The following NGEF variants were observed in gnomAD, a reference collection of about 807,000 sequenced individuals.
NGEF encodes the protein ephexin-1.
Under a neutral mutation model 80.9 loss-of-function variants are expected in NGEF, and 31 were observed. The ratio of observed to expected loss-of-function variants is 0.38; its 90% CI spans 0.29 to 0.52. The LOEUF (loss-of-function observed/expected upper bound fraction) is 0.52. Ranked by LOEUF, NGEF falls within the 20% of genes least tolerant of loss-of-function variation. The pLI is 0.84. For synonymous variants in NGEF, 371 were observed against 370.2 expected (o/e 1.00, Z -0.03); for missense variants, 709 against 926.2 (o/e 0.77, Z 3.04).
intron 1 of NGEF, among the ~76,000 whole-genome samples, chr2:232,984,297 T>C (rs1694493271): frequency 6.6e-6 from 1 of 151,966 alleles, no homozygotes; most frequent in South Asian, 2.1e-4. Context: ...CTTGTTATGT[T>C]ACCAGGCTGG....
At chr2:232,932,690 G>T (rs903714656) in intron 3 of NGEF, among the ~76,000 whole-genome samples, 6 of 152,152 alleles carry the variant, frequency 3.9e-5, no homozygotes, top group Non-Finnish European at 8.8e-5. Context: ...GGAAGTCTGA[G>T]ATCATGGTGC....
rs763252651 is a variant in NGEF, at chr2:232,901,241, C to T, written c.829-6325G>A. On this transcript the variant is annotated intron_variant, in intron 5 of 14. Transcript: ENST00000264051. ...TCAAACATGGGCCATGCTGCCTGGC[C>T]GGCCGGGACTACAGTGTCTGTCCTC... 76 of 407,728 alleles carry T rather than the reference C, an allele frequency of 1.9e-4. 1 individual carries two copies. The highest frequency in any genetic ancestry group is 6.4e-4 in the Admixed American group (10 of 15,586). 25.3% of individuals were successfully genotyped at this position (407,728 alleles called of 1,614,324 possible).
At chr2:232,934,875 G>A (rs150973012) in intron 3 of NGEF, among the ~76,000 whole-genome samples, 1 of 151,980 alleles carries the variant, frequency 6.6e-6, no homozygotes, top group Non-Finnish European at 1.5e-5. Flanking sequence ...AGGCATGGTA[G>A]CATGCACCTG....
intron 1 of NGEF, among the ~76,000 whole-genome samples, chr2:232,980,649 T>G (rs1441263860): frequency 6.6e-6 from 1 of 152,086 alleles, no homozygotes; most frequent in Non-Finnish European, 1.5e-5. Flanking sequence ...TAGGTGCCTA[T>G]CACCGTGCCT....
intron 1 of NGEF, among the ~76,000 whole-genome samples, chr2:232,997,986 T>C (rs1694889544): frequency 1.3e-5 from 2 of 152,190 alleles, no homozygotes; most frequent in South Asian, 4.1e-4. Flanking sequence ...AGGGGGTGGC[T>C]TCTGCCACCT....
chr2:232,924,066 A>T (rs1006187241), intron 4 of NGEF, among the ~76,000 whole-genome samples: 2 of 151,926 alleles, frequency 1.3e-5, no homozygotes, highest in African/African-American at 4.8e-5. Flanking sequence ...GTGAAACCCC[A>T]TCTCTACTAA....
At chr2:232,951,424 C>G (rs994629445) in intron 3 of NGEF, among the ~76,000 whole-genome samples, 5 of 152,210 alleles carry the variant, frequency 3.3e-5, no homozygotes, top group African/African-American at 1.2e-4. Context: ...AACCTTCTCT[C>G]TGCAGACACG....
At chr2:232,941,003 A>G (rs1272021982) in intron 3 of NGEF, among the ~76,000 whole-genome samples, 1 of 152,138 alleles carries the variant, frequency 6.6e-6, no homozygotes, top group African/African-American at 2.4e-5. Context: ...TGTGCGGGAG[A>G]CCAGAGTTTT....
chr2:232,912,021 T>A (rs1692699185), intron 5 of NGEF, among the ~76,000 whole-genome samples: 1 of 152,200 alleles, frequency 6.6e-6, no homozygotes, highest in African/African-American at 2.4e-5. Context: ...TGGCTAGGAT[T>A]TTCACAATGA....
In NGEF at chr2:232,915,049, A is replaced by AAGGCAGGG. The variant is rs539172257; in HGVS notation, c.828+5227_828+5234dup. On this transcript the variant is annotated intron_variant, in intron 5 of 14. Transcript: ENST00000264051. ...AAAAAAAAAAAAGAACATTTTCATC[A>AAGGCAGGG]AGGCAGGGAATTCCACCAGACGGCT... 3.6e-4 allele frequency among the ~76,000 whole-genome samples: 55 copies of AAGGCAGGG among 151,368 alleles called. No individual in the cohort carries two copies. The South Asian group carries it at 0.011, about 29-fold the overall frequency.
At chr2:232,949,251 A>C (rs753343123) in intron 3 of NGEF, among the ~76,000 whole-genome samples, 5 of 152,168 alleles carry the variant, frequency 3.3e-5, no homozygotes, top group Non-Finnish European at 5.9e-5. Context: ...CCAGTACCTA[A>C]AACAAAGCCT....
At chr2:232,898,838 GTGTA>G (rs1288244776) in intron 5 of NGEF, among the ~76,000 whole-genome samples, 2 of 152,256 alleles carry the variant, frequency 1.3e-5, no homozygotes, top group African/African-American at 4.8e-5. Flanking sequence ...GTGGGAATGA[GTGTA>G]TGTGTGCATA....
At chr2:232,924,876 A>G (rs1237507505) in intron 4 of NGEF, among the ~76,000 whole-genome samples, 1 of 152,194 alleles carries the variant, frequency 6.6e-6, no homozygotes, top group African/African-American at 2.4e-5. Flanking sequence ...AAATTTAGAC[A>G]CCAGTGTTTC....
rs1553553128 is a variant in NGEF, at chr2:232,948,147, A to ATATGTGTGTG, written c.384-20962_384-20961insCACACACATA. Reference sequence around the variant, plus strand: ...GGGGTCATTTGAATATAGCCTGGAGATGTGTGTGTGTGTGTGTGTGTGTGT... The same window carrying ATATGTGTGTG: ...GGGGTCATTTGAATATAGCCTGGAGATATGTGTGTGTGTGTGTGTGTGTGTGTGTGTGTGT... On this transcript the variant is annotated intron_variant, in intron 3 of 14. Transcript: ENST00000264051. Among the ~76,000 whole-genome samples, 409 of 141,648 alleles carry ATATGTGTGTG rather than the reference A, an allele frequency of 2.9e-3. 1 individual carries two copies. The highest frequency in any genetic ancestry group is 7.7e-3 in the African/African-American group (292 of 38,032). 92.9% of individuals were successfully genotyped at this position (141,648 alleles called of 152,430 possible). A position where few individuals can be genotyped will look rare whatever the true frequency, so the allele number is the denominator to read the frequency against.
At chr2:232,905,620 CGT>C (rs1692486849) in intron 5 of NGEF, 2 of 325,848 alleles carry the variant, frequency 6.1e-6, no homozygotes, top group Non-Finnish European at 1.2e-5. Flanking sequence ...AAGTGAGGAG[CGT>C]CTCTGCCCGG....
intron 9 of NGEF, among the ~76,000 whole-genome samples, chr2:232,887,066 A>G (rs1408094441): frequency 6.6e-6 from 1 of 152,242 alleles, no homozygotes; most frequent in Non-Finnish European, 1.5e-5. Context: ...TCATGTCTCA[A>G]TGTGGCTGAG....
intron 3 of NGEF, among the ~76,000 whole-genome samples, chr2:232,939,954 G>A (rs893271606): frequency 6.6e-6 from 1 of 151,602 alleles, no homozygotes; most frequent in African/African-American, 2.4e-5. Flanking sequence ...CCGAGATCAT[G>A]TCACTGCACT....
intron 3 of NGEF, among the ~76,000 whole-genome samples, 162 bp from the exon 4 acceptor site, chr2:232,927,348 G>A (rs1459540054): frequency 6.6e-6 from 1 of 152,162 alleles, no homozygotes; most frequent in African/African-American, 2.4e-5. Flanking sequence ...TCCCGGCCGG[G>A]CGGGCCCCAA....
rs770624148 is a variant in NGEF at position 232,894,742 on chromosome 2, C to T, written c.989+14G>A. ...AAGGGCCCTGAGGGAGGTGGCTGTC[C>T]CCCCCGTCCTCACCGCTCACTGACA... is the stretch of plus-strand genomic sequence containing the variant. On this transcript the variant is annotated intron_variant, in intron 6 of 14. Transcript: ENST00000264051. 5.2e-6 allele frequency: 8 copies of T among 1,541,470 alleles called. No individual in the cohort carries two copies. Among genetic ancestry groups the T allele is most frequent in the East Asian group, 2.3e-5 (1 of 43,722 alleles).
Sources: allele counts gnomAD v4.1 joint callset (sites outside exome capture counted in the v4.1 genomes callset), GRCh38; gene constraint gnomAD v4.1.1; transcripts MANE v1.5; gene names NCBI Gene and HGNC (gene_info 2026-07-23, HGNC 2026-07-21).